Variants in APCDD1 observed in about 807,000 individuals in gnomAD.
APCDD1 encodes the protein protein APCDD1.
APCDD1 carries 15 observed loss-of-function variants against 38.1 expected under a neutral mutation model. The ratio of observed to expected loss-of-function variants is 0.39; its 90% CI spans 0.26 to 0.61. APCDD1 has a LOEUF of 0.61. Ranked by LOEUF, APCDD1 falls within the 20% of genes least tolerant of loss-of-function variation. The pLI is 0.49. For missense variants in APCDD1, 647 were observed against 696.2 expected (o/e 0.93, Z 0.79); for synonymous variants, 261 against 279.7 (o/e 0.93, Z 0.67).
At chr18:10,466,475 A>C (rs2030717054) in intron 1 of APCDD1, among the ~76,000 whole-genome samples, 1 of 152,244 alleles carries the variant, frequency 6.6e-6, no homozygotes, top group African/African-American at 2.4e-5. Flanking sequence ...CCAGTGCCAC[A>C]GCTGAACAAC....
intron 1 of APCDD1, among the ~76,000 whole-genome samples, chr18:10,465,784 GCAT>G (rs1299766055): frequency 6.6e-6 from 1 of 152,134 alleles, no homozygotes; most frequent in African/African-American, 2.4e-5. Context: ...TGTTGTTAAG[GCAT>G]CATATCATTG....
intron 3 of APCDD1, among the ~76,000 whole-genome samples, chr18:10,478,847 G>A (rs376257359): frequency 6.6e-6 from 1 of 152,224 alleles, no homozygotes; most frequent in East Asian, 1.9e-4. Flanking sequence ...TGATCAAAAT[G>A]AGCCCCAATT....
chr18:10,465,273 C>A (rs1291405139), intron 1 of APCDD1, among the ~76,000 whole-genome samples: 3 of 152,200 alleles, frequency 2.0e-5, no homozygotes, highest in Non-Finnish European at 2.9e-5. Flanking sequence ...TGAACCAGAA[C>A]ACAGATGCTC....
Position 10,468,450 on chromosome 18 carries a change from T to A in APCDD1, c.59-19T>A. On this transcript the variant is annotated intron_variant, in intron 1 of 4. Coordinates refer to ENST00000355285, the MANE Select transcript of APCDD1 (RefSeq NM_153000.5). Reference sequence around the variant, plus strand: ...CTGCTACTTCTTCTTTTGGCTAACTTTCCACCTTTATTTTTCAGGGCTGGG... The same window carrying A: ...CTGCTACTTCTTCTTTTGGCTAACTATCCACCTTTATTTTTCAGGGCTGGG... 6.2e-7 allele frequency: 1 copy of A among 1,614,114 alleles called. No homozygotes were observed. Among genetic ancestry groups the A allele is most frequent in the African/African-American group, 1.3e-5 (1 of 75,058 alleles).
At chr18:10,468,734 G>A (rs2030779702) in intron 2 of APCDD1, 82 bp downstream of exon 2, 2 of 1,399,662 alleles carry the variant, frequency 1.4e-6, no homozygotes, top group Non-Finnish European at 2.0e-6. Flanking sequence ...CAGATGCAGA[G>A]ACTTTATATC....
At chr18:10,462,447 T>TTCC (rs2030573887) in intron 1 of APCDD1, among the ~76,000 whole-genome samples, 1 of 24,640 alleles carries the variant, frequency 4.1e-5, no homozygotes, top group Non-Finnish European at 8.0e-5. Context: ...CCCTCTCTCC[T>TTCC]TTCCTCCCTC....
rs966326566 is a variant in APCDD1 at position 10,469,434 on chromosome 18, G to C, written c.242+782G>C. On this transcript the variant is annotated intron_variant, in intron 2 of 4. Transcript: ENST00000355285. This position sits in a 1 kb window ranked among gnomAD's most constrained non-coding sequence, Gnocchi z 5.5. ...AAATGAGGTCTCTCCAAATAACCAC[G>C]ATAAACAATTTGTATAAACAACCTT... is the stretch of plus-strand genomic sequence containing the variant. Among the ~76,000 whole-genome samples, 5 of 152,040 alleles carry C rather than the reference G, an allele frequency of 3.3e-5. No individual in the cohort carries two copies. Among genetic ancestry groups the C allele is most frequent in the Non-Finnish European group, 5.9e-5 (4 of 67,994 alleles).
intron 1 of APCDD1, 41 bp from the exon 2 acceptor site, chr18:10,468,428 C>T (rs764070191): frequency 1.2e-6 from 2 of 1,609,458 alleles, no homozygotes; most frequent in African/African-American, 2.7e-5. Context: ...ATGTCTGCTG[C>T]TACTTCTTCT....
chr18:10,481,611 AAC>A (rs72450682), intron 3 of APCDD1, among the ~76,000 whole-genome samples: 4,689 of 152,072 alleles, frequency 0.031, 273 homozygotes, highest in African/African-American at 0.11. Flanking sequence ...GTAGCCGCAC[AAC>A]AGTGTGAATA....
At chr18:10,457,752 G>C (rs1472087824) in intron 1 of APCDD1, among the ~76,000 whole-genome samples, 1 of 152,198 alleles carries the variant, frequency 6.6e-6, no homozygotes, top group African/African-American at 2.4e-5. Flanking sequence ...TCCAGTCTTT[G>C]TTCGGTTTTG....
At chr18:10,458,378 A>C (rs2030436400) in intron 1 of APCDD1, among the ~76,000 whole-genome samples, 1 of 152,272 alleles carries the variant, frequency 6.6e-6, no homozygotes, top group South Asian at 2.1e-4. Context: ...ACATAATGTG[A>C]GGAAACGTTT....
At chr18:10,455,079 GA>G in intron 1 of APCDD1, 40 bp downstream of exon 1, 1 of 1,548,138 alleles carries the variant, frequency 6.5e-7, no homozygotes, top group African/African-American at 1.4e-5. Context: ...CCAGCCGGCG[GA>G]GGCAGCCCGG....
chr18:10,464,223 C>T (rs1217542503), intron 1 of APCDD1, among the ~76,000 whole-genome samples: 6 of 151,912 alleles, frequency 3.9e-5, no homozygotes, highest in Non-Finnish European at 8.8e-5. Flanking sequence ...CCTTTGAACT[C>T]CCTAACTTCC....
At position 10,472,137 on chromosome 18, in the gene APCDD1, C is replaced by T. The variant is rs1288746958; in HGVS notation, c.774+76C>T. 6.9e-6 allele frequency: 11 copies of T among 1,592,682 alleles called. No homozygotes were observed. Among genetic ancestry groups the T allele is most frequent in the Non-Finnish European group, 9.4e-6 (11 of 1,165,876 alleles). Reference sequence around the variant, plus strand: ...TTCTTAAAGGCTTGCCATGGGGGCTCTAGGGCACCCTTGAAAGGGGGAATT... The same window carrying T: ...TTCTTAAAGGCTTGCCATGGGGGCTTTAGGGCACCCTTGAAAGGGGGAATT... On this transcript the variant is annotated intron_variant, in intron 3 of 4. Coordinates refer to ENST00000355285, the MANE Select transcript of APCDD1 (RefSeq NM_153000.5). This position sits in a 1 kb window ranked among gnomAD's most constrained non-coding sequence, Gnocchi z 6.6.
chr18:10,481,411 T>G (rs982823384), intron 3 of APCDD1, among the ~76,000 whole-genome samples: 13 of 152,104 alleles, frequency 8.5e-5, no homozygotes, highest in Non-Finnish European at 1.0e-4. Flanking sequence ...TTGAGGAGCT[T>G]ATAGTAAGTG....
chr18:10,469,298 C>T lies in APCDD1; in HGVS notation c.242+646C>T, dbSNP rs545651033. Among the ~76,000 whole-genome samples the T allele has an allele frequency of 3.3e-5, 5 of 152,014 alleles. No individual in the cohort carries two copies. The highest frequency in any genetic ancestry group is 5.9e-5 in the Non-Finnish European group (4 of 67,992). The stretch of plus-strand genomic sequence containing the variant: ...ATCACTTCTCCCTGTGCGCTGTTCC[C>T]GGGATATGGATAGCAGCCTTCAAGT... On this transcript the variant is annotated intron_variant, in intron 2 of 4. Coordinates refer to ENST00000355285, the MANE Select transcript of APCDD1 (RefSeq NM_153000.5). The surrounding 1 kb of genome is among the most constrained non-coding windows in gnomAD (Gnocchi z 5.5).
At chr18:10,474,215 T>G (rs2030935672) in intron 3 of APCDD1, 1 of 151,978 alleles carries the variant, frequency 6.6e-6, no homozygotes, top group Non-Finnish European at 1.5e-5. Flanking sequence ...TGAGCCACCG[T>G]CCGCCCGGCC....
Position 10,467,755 on chromosome 18 carries a change from G to A in APCDD1, c.59-714G>A, listed in dbSNP as rs139307470. Among the ~76,000 whole-genome samples the A allele has an allele frequency of 1.5e-3, 230 of 152,304 alleles. No individual in the cohort carries two copies. Among genetic ancestry groups the A allele is most frequent in the Non-Finnish European group, 2.5e-3 (173 of 68,024 alleles). On this transcript the variant is annotated intron_variant, in intron 1 of 4. Coordinates refer to ENST00000355285, the MANE Select transcript of APCDD1 (RefSeq NM_153000.5). The surrounding 1 kb of genome is among the most constrained non-coding windows in gnomAD (Gnocchi z 4.8). Reference sequence around the variant, plus strand: ...CTTGGAAGATAATTGGGGGGGAAATGTCACACCACGTCCCTATTGTAGGAG... The same window carrying A: ...CTTGGAAGATAATTGGGGGGGAAATATCACACCACGTCCCTATTGTAGGAG...
In APCDD1 at chr18:10,485,634, A is replaced by G. The variant is rs2143563924; in HGVS notation, c.947A>G (p.His316Arg). 1.2e-6 allele frequency: 2 copies of G among 1,614,134 alleles called. No individual in the cohort carries two copies. The highest frequency in any genetic ancestry group is 1.6e-4 in the Middle Eastern group (1 of 6,062). ...VLFLTRHFIF[H>R]DNNNTWEGHY... ...TTCCTCACCCGCCACTTCATCTTCC[A>G]TGACAACAACAACACCTGGGAGGGC... Residue 316 changes from histidine (H) to arginine (R), a missense_variant, in exon 4 of 5, where the codon CAT becomes CGT. By Grantham distance (29) the His-to-Arg change is conservative. Coordinates refer to ENST00000355285, the MANE Select transcript of APCDD1 (RefSeq NM_153000.5). The surrounding 1 kb of genome is among the most constrained non-coding windows in gnomAD (Gnocchi z 5.8).
Sources: allele counts gnomAD v4.1 joint callset (sites outside exome capture counted in the v4.1 genomes callset), GRCh38; gene constraint gnomAD v4.1.1; non-coding constraint Gnocchi (gnomAD v3.1); transcripts MANE v1.5; gene names NCBI Gene and HGNC (gene_info 2026-07-23, HGNC 2026-07-21).